Variants in SLC22A23 observed in about 807,000 individuals in gnomAD.
The protein encoded by SLC22A23 is solute carrier family 22 member 23, also known as ion transporter protein.
In SLC22A23, 26 loss-of-function variants were observed where a neutral mutation model predicts 61.0. The observed-to-expected ratio is 0.43, with a 90% CI of 0.31 to 0.59. The LOEUF (loss-of-function observed/expected upper bound fraction) is 0.59. SLC22A23 is among the 20% of genes least tolerant of loss of function. The pLI, the probability that SLC22A23 is intolerant of heterozygous loss-of-function variation, is 0.11. For missense variants in SLC22A23, 796 were observed against 934.7 expected, an observed-to-expected ratio of 0.85 and a Z score of 1.94; for synonymous variants, 430 against 413.9, an observed-to-expected ratio of 1.04 and a Z score of -0.47.
At position 3,270,468 on chromosome 6, in the gene SLC22A23, G is replaced by A. The variant is rs1274458066; in HGVS notation, c.*2587C>T. ...TAAAGGTGTTGCTCAACAGCTTCAG[G>A]TATCCCTAGGCTGAAGCTGCCACCA... On this transcript the variant is annotated 3_prime_UTR_variant, in exon 10 of 10. Coordinates refer to ENST00000406686, the MANE Select transcript of SLC22A23 (RefSeq NM_015482.2). 2 of 152,466 alleles carry A rather than the reference G, an allele frequency of 1.3e-5. No individual in the cohort carries two copies. The highest frequency in any genetic ancestry group is 2.1e-4 in the South Asian group (1 of 4,832). The allele number at this position is 152,466 out of a possible 1,614,324, so 9.4% of individuals were successfully genotyped here.
chr6:3,323,456 C>T (rs533112861), intron 4 of SLC22A23: 2 of 412,054 alleles, frequency 4.9e-6, no homozygotes, highest in East Asian at 1.3e-4. Context: ...GTAAATCACT[C>T]CTTTAATATC....
At chr6:3,453,524 C>T (rs1329106495) in intron 1 of SLC22A23, among the ~76,000 whole-genome samples, 2 of 152,162 alleles carry the variant, frequency 1.3e-5, no homozygotes, top group South Asian at 2.1e-4. Flanking sequence ...GACAGTTTCA[C>T]GTGTGTAGGT....
At chr6:3,315,442 G>A (rs757726471) in intron 4 of SLC22A23, among the ~76,000 whole-genome samples, 14 of 152,194 alleles carry the variant, frequency 9.2e-5, no homozygotes, top group Non-Finnish European at 1.3e-4. Flanking sequence ...GATGACTTCT[G>A]CTGTCCGAGA....
At chr6:3,441,590 T>C (rs1186637521) in intron 1 of SLC22A23, among the ~76,000 whole-genome samples, 1 of 152,098 alleles carries the variant, frequency 6.6e-6, no homozygotes, top group East Asian at 1.9e-4. Flanking sequence ...CACAGCCCCC[T>C]GGGCTTCCCT....
At chr6:3,320,788 C>T (rs1434563220) in intron 4 of SLC22A23, among the ~76,000 whole-genome samples, 1 of 152,156 alleles carries the variant, frequency 6.6e-6, no homozygotes, top group Non-Finnish European at 1.5e-5. Flanking sequence ...TGCCCCATTA[C>T]ACCCAGACTC....
At chr6:3,445,164 T>C (rs1381102584) in intron 1 of SLC22A23, among the ~76,000 whole-genome samples, 1 of 151,622 alleles carries the variant, frequency 6.6e-6, no homozygotes, top group Non-Finnish European at 1.5e-5. Context: ...AGTGGCAGAG[T>C]TGGGGCTGCA....
intron 1 of SLC22A23, among the ~76,000 whole-genome samples, chr6:3,420,786 A>G (rs529518976): frequency 1.1e-4 from 17 of 152,356 alleles, no homozygotes; most frequent in African/African-American, 3.6e-4. Context: ...ACAAATAGTT[A>G]AACACTTGGG....
chr6:3,455,890 C>A lies in SLC22A23; in HGVS notation c.654+16G>T. ...CAGGGAGAGGGTTGGAGGGACTGGG[C>A]GGCTGCGGCCCTTACCTTGCTGACC... is the stretch of plus-strand genomic sequence containing the variant. On this transcript the variant is annotated intron_variant, in intron 1 of 9. Coordinates refer to ENST00000406686, the MANE Select transcript of SLC22A23 (RefSeq NM_015482.2). 6.8e-7 allele frequency: 1 copy of A among 1,480,612 alleles called. No homozygotes were observed. Among genetic ancestry groups the A allele is most frequent in the Non-Finnish European group, 9.0e-7 (1 of 1,110,108 alleles). 91.7% of individuals were successfully genotyped at this position (1,480,612 alleles called of 1,614,324 possible).
intron 3 of SLC22A23, among the ~76,000 whole-genome samples, chr6:3,375,056 C>G (rs190510487): frequency 6.4e-4 from 98 of 152,220 alleles, no homozygotes; most frequent in African/African-American, 2.2e-3. Flanking sequence ...GTAAGGATGT[C>G]TTGGAAGAAA....
chr6:3,363,580 C>T (rs1003947510), intron 3 of SLC22A23, among the ~76,000 whole-genome samples: 3 of 152,240 alleles, frequency 2.0e-5, no homozygotes, highest in African/African-American at 7.2e-5. Flanking sequence ...CCAGTGTGGG[C>T]ACCTGGCAGT....
chr6:3,365,788 A>C (rs999952370), intron 3 of SLC22A23, among the ~76,000 whole-genome samples: 15 of 152,188 alleles, frequency 9.9e-5, no homozygotes, highest in Admixed American at 5.9e-4. Flanking sequence ...TCATGCCCTT[A>C]ATGCATGCAT....
chr6:3,422,657 T>TGCAA (rs1255771293), intron 1 of SLC22A23, among the ~76,000 whole-genome samples: 1 of 152,202 alleles, frequency 6.6e-6, no homozygotes, highest in Non-Finnish European at 1.5e-5. Context: ...TTGGCATTGG[T>TGCAA]GCAAGCTTCC....
chr6:3,283,676 C>T, intron 9 of SLC22A23, 176 bp downstream of exon 9: 6 of 1,091,948 alleles, frequency 5.5e-6, no homozygotes, highest in Non-Finnish European at 3.9e-6. Flanking sequence ...TTCTCACTGC[C>T]TCTTGGGCGC....
intron 3 of SLC22A23, among the ~76,000 whole-genome samples, chr6:3,355,200 C>G (rs543525955): frequency 1.3e-5 from 2 of 151,684 alleles, no homozygotes; most frequent in South Asian, 4.2e-4. Flanking sequence ...AAAAAAAAGT[C>G]TCCCTCCAAA....
rs1491292945 is a variant in SLC22A23, at chr6:3,440,706, CAG to C, written c.654+15198_654+15199del. ...TGGGCAACAGAGCAAGACTCCGTCT[CAG>C]AAAAAAAAAAAAAAAGAAGAGGAGA... On this transcript the variant is annotated intron_variant, in intron 1 of 9. Transcript: ENST00000406686. Among the ~76,000 whole-genome samples, 293 of 68,536 alleles carry C rather than the reference CAG, an allele frequency of 4.3e-3. 14 individuals carry two copies. The highest frequency in any genetic ancestry group is 0.02 in the Middle Eastern group (2 of 102). The allele number at this position is 68,536 out of a possible 152,430, so 45.0% of individuals were successfully genotyped here.
At chr6:3,417,948 T>C (rs532682347) in intron 1 of SLC22A23, among the ~76,000 whole-genome samples, 6 of 152,254 alleles carry the variant, frequency 3.9e-5, no homozygotes, top group Non-Finnish European at 8.8e-5. Flanking sequence ...TAGGAAAAAA[T>C]GTATTTTTGA....
chr6:3,353,002 T>A (rs1764868440), intron 3 of SLC22A23, among the ~76,000 whole-genome samples: 1 of 152,218 alleles, frequency 6.6e-6, no homozygotes. Flanking sequence ...ATGAAAATAC[T>A]ACAGTGATTA....
intron 3 of SLC22A23, among the ~76,000 whole-genome samples, chr6:3,400,110 T>G (rs1238029432): frequency 2.0e-5 from 3 of 152,210 alleles, no homozygotes; most frequent in African/African-American, 4.8e-5. Context: ...ACTCCTGACC[T>G]CAAGTGATCC....
intron 1 of SLC22A23, among the ~76,000 whole-genome samples, chr6:3,428,815 G>C (rs553557905): frequency 6.6e-6 from 1 of 152,302 alleles, no homozygotes; most frequent in East Asian, 1.9e-4. Flanking sequence ...TGCCTAAAAG[G>C]GTAACAATAA....
Sources: gnomAD v4.1 joint callset for allele counts (sites outside exome capture counted in the v4.1 genomes callset) on GRCh38, gnomAD v4.1.1 for gene constraint, MANE v1.5 for transcripts, NCBI Gene and HGNC (gene_info 2026-07-23, HGNC 2026-07-21) for gene names.